TESPA1: variants seen among roughly 807,000 people sequenced by gnomAD.
TESPA1 encodes thymocyte expressed, positive selection associated 1.
TESPA1 carries 33 observed loss-of-function variants against 57.9 expected under a neutral mutation model. That is an observed-to-expected ratio of 0.57 (90% CI 0.43 to 0.76). TESPA1 has a LOEUF of 0.76. Among genes scored for constraint, TESPA1 ranks in the 30% least tolerant of loss-of-function variants. The probability of loss-of-function intolerance (pLI) is 0.00; values close to 1 mark genes in which losing one functional copy is unlikely to be tolerated. For synonymous variants in TESPA1, 227 were observed against 228.9 expected (o/e 0.99, Z 0.07); for missense variants, 618 against 632.9 (o/e 0.98, Z 0.25).
At chr12:54,974,659 A>G in intron 1 of TESPA1, 52 bp from the exon 2 acceptor site, 1 of 1,307,552 alleles carries the variant, frequency 7.6e-7, no homozygotes, top group South Asian at 1.9e-5. Flanking sequence ...AGAAACCATC[A>G]TGATGCTCAG....
chr12:54,951,214 C>T (rs1422167484), intron 10 of TESPA1, among the ~76,000 whole-genome samples: 1 of 152,168 alleles, frequency 6.6e-6, no homozygotes, highest in Non-Finnish European at 1.5e-5. Context: ...CGAGTGAATT[C>T]TCATGAGATC....
chr12:54,981,691 AAG>A (rs912164918), intron 1 of TESPA1: 47 of 151,120 alleles, frequency 3.1e-4, no homozygotes, highest in African/African-American at 7.5e-4. Context: ...AGGAGGGAGA[AAG>A]AGAGAGAGAG....
chr12:54,977,198 T>C (rs2136203154), intron 1 of TESPA1, among the ~76,000 whole-genome samples: 1 of 152,272 alleles, frequency 6.6e-6, no homozygotes, highest in East Asian at 1.9e-4. Flanking sequence ...TACTGCTGTG[T>C]TTCTAATGCC....
chr12:54,963,991 G>A (rs1951254723), intron 7 of TESPA1, 41 bp from the exon 8 acceptor site: 1 of 1,575,002 alleles, frequency 6.3e-7, no homozygotes, highest in African/African-American at 1.4e-5. Flanking sequence ...ACAACTTTGA[G>A]ACACATGGTA....
chr12:54,981,590 T>A (rs1341132885), intron 1 of TESPA1, among the ~76,000 whole-genome samples: 2 of 152,036 alleles, frequency 1.3e-5, no homozygotes, highest in Non-Finnish European at 2.9e-5. Context: ...AAAAAAAGTC[T>A]TTCTTTCTTA....
chr12:54,966,487 C>T (rs1015706768), intron 5 of TESPA1, 63 bp from the exon 6 acceptor site: 40 of 1,566,554 alleles, frequency 2.6e-5, no homozygotes, highest in Middle Eastern at 1.7e-4. Flanking sequence ...ACCTGTGTTG[C>T]CCCTCTGAAC....
chr12:54,953,618 C>T (rs1344152201), intron 10 of TESPA1, among the ~76,000 whole-genome samples: 2 of 151,448 alleles, frequency 1.3e-5, no homozygotes, highest in Non-Finnish European at 2.9e-5. Context: ...CCCGGGTTCA[C>T]GCCATTCTCC....
chr12:54,983,232 G>A (rs1471872620), intron 1 of TESPA1, among the ~76,000 whole-genome samples: 3 of 152,188 alleles, frequency 2.0e-5, no homozygotes, highest in African/African-American at 7.2e-5. Context: ...AAACCCAAGA[G>A]TTATGAGAAC....
chr12:54,974,634 C>T, intron 1 of TESPA1, 27 bp from the exon 2 acceptor site: 2 of 1,392,802 alleles, frequency 1.4e-6, no homozygotes, highest in Non-Finnish European at 1.9e-6. Flanking sequence ...AGTGATACTC[C>T]CTCATCATAT....
chr12:54,961,340 G>A (rs1045234064), intron 9 of TESPA1, 73 bp from the exon 10 acceptor site: 1 of 1,542,948 alleles, frequency 6.5e-7, no homozygotes, highest in East Asian at 2.3e-5. Flanking sequence ...CAGGTGGCAG[G>A]TAGCTGTAGG....
At chr12:54,953,675 C>G (rs1400503926) in intron 10 of TESPA1, among the ~76,000 whole-genome samples, 2 of 152,026 alleles carry the variant, frequency 1.3e-5, no homozygotes, top group African/African-American at 4.8e-5. Context: ...CCCGCCACTA[C>G]GCCTGGCTAA....
chr12:54,963,317 TC>T, intron 8 of TESPA1, 75 bp from the exon 9 acceptor site: 3 of 1,385,630 alleles, frequency 2.2e-6, no homozygotes, highest in South Asian at 1.5e-5. Context: ...TTCAGGAGGC[TC>T]CCCAAAGCTC....
intron 10 of TESPA1, among the ~76,000 whole-genome samples, chr12:54,958,005 T>TGGCAGAAAATGGAA (rs1950837713): frequency 6.6e-6 from 1 of 152,228 alleles, no homozygotes; most frequent in Non-Finnish European, 1.5e-5. Context: ...GCCCCATCAC[T>TGGCAGAAAATGGAA]GGCAGAAAAT....
At position 54,962,877 on chromosome 12, in the gene TESPA1, G is replaced by C. The variant is rs1443885878; in HGVS notation, c.1021C>G (p.Gln341Glu). The change falls in exon 9 of 11, where the codon CAG (glutamine) becomes GAG (glutamate). Residue 341 changes from glutamine (Q) to glutamate (E), a missense_variant. Gln to Glu is a conservative substitution (Grantham distance 29). Coordinates refer to ENST00000449076, the MANE Select transcript of TESPA1 (RefSeq NM_001136030.3). ...QQDSDLGQFSQEDPVPPAEGK... is the reference protein window; with the variant it reads ...QQDSDLGQFSEEDPVPPAEGK... ...TCAGCAGGGGGCACAGGATCTTCCTGTGAGAATTGCCCCAAATCAGAGTCT... is the reference window on the plus strand; with the variant it reads ...TCAGCAGGGGGCACAGGATCTTCCTCTGAGAATTGCCCCAAATCAGAGTCT... 6.2e-7 allele frequency: 1 copy of C among 1,613,758 alleles called. No individual in the cohort carries two copies. Among genetic ancestry groups the C allele is most frequent in the Admixed American group, 1.7e-5 (1 of 60,010 alleles).
rs113891743 is a variant in TESPA1 at position 54,976,339 on chromosome 12, G to C, written c.-45-1732C>G. Among the ~76,000 whole-genome samples the C allele has an allele frequency of 3.0e-3, 456 of 152,262 alleles. 2 individuals carry two copies. The highest frequency in any genetic ancestry group is 0.01 in the African/African-American group (418 of 41,534). The stretch of plus-strand genomic sequence containing the variant: ...GTCCTGTGATCCAAAATATTTAAGA[G>C]ATTGGTTCCAAAACCCAGAGAAGAA... On this transcript the variant is annotated intron_variant, in intron 1 of 10. Coordinates refer to ENST00000449076, the MANE Select transcript of TESPA1 (RefSeq NM_001136030.3).
At chr12:54,953,950 CACTAAACT>C (rs1408993688) in intron 10 of TESPA1, among the ~76,000 whole-genome samples, 1 of 152,170 alleles carries the variant, frequency 6.6e-6, no homozygotes, top group Non-Finnish European at 1.5e-5. Flanking sequence ...TCATGTTTTT[CACTAAACT>C]ATGAGCTCAA....
chr12:54,964,745 T>C (rs1296398599), intron 7 of TESPA1, among the ~76,000 whole-genome samples: 1 of 152,232 alleles, frequency 6.6e-6, no homozygotes, highest in African/African-American at 2.4e-5. Context: ...ACGGTCGGAA[T>C]CCCTGGATCT....
Position 54,962,822 on chromosome 12 carries a change from G to A in TESPA1, c.1076C>T (p.Pro359Leu). ...EGKKLPTSPY[P>L]CVFCCEEETQ... is the part of the protein sequence containing the mutation. The stretch of plus-strand genomic sequence containing the variant: ...TTCCTCTTCACAGCAGAAGACACAT[G>A]GATAGGGAGAAGTGGGCAACTTCTT... Residue 359 changes from proline (P) to leucine (L), a missense_variant, in exon 9 of 11, where the codon CCA becomes CTA. Pro to Leu is a moderately conservative substitution (Grantham distance 98). Around this residue, in one of 3 missense-constraint regions of TESPA1, gnomAD observed 409 missense variants for 420.1 expected, o/e 0.97. Transcript: ENST00000449076. 6.2e-7 allele frequency: 1 copy of A among 1,613,886 alleles called. No homozygotes were observed. Among genetic ancestry groups the A allele is most frequent in the African/African-American group, 1.3e-5 (1 of 75,030 alleles).
Position 54,966,159 on chromosome 12 carries a change from G to A in TESPA1, c.348-8C>T, listed in dbSNP as rs1316571683. 4.5e-6 allele frequency: 7 copies of A among 1,564,420 alleles called. No homozygotes were observed. Among genetic ancestry groups the A allele is most frequent in the Middle Eastern group, 1.7e-4 (1 of 6,012 alleles). ...GCTGTCTCGAGGAAACTCCTGCAGA[G>A]ATCAAAGCTGATGTCATACAAATCT... On this transcript the variant is annotated splice_polypyrimidine_tract_variant and splice_region_variant and intron_variant, in intron 6 of 10. Transcript: ENST00000449076.
Sources: allele counts gnomAD v4.1 joint callset (sites outside exome capture counted in the v4.1 genomes callset), GRCh38; gene constraint gnomAD v4.1.1; regional missense constraint gnomAD v4.1.1; transcripts MANE v1.5; gene names NCBI Gene and HGNC (gene_info 2026-07-23, HGNC 2026-07-21).